Variants in LMF1 observed in about 807,000 individuals in gnomAD.
The protein encoded by LMF1 is transmembrane protein 112.
A neutral mutation model predicts 60.6 loss-of-function variants in LMF1; 68 were observed. The ratio of observed to expected loss-of-function variants is 1.12; its 90% CI spans 0.92 to 1.37. LMF1 has a LOEUF of 1.37. LMF1 is among the 40% of genes most tolerant of loss of function. The pLI is 0.00. For synonymous variants in LMF1, 418 were observed against 324.7 expected, an observed-to-expected ratio of 1.29 and a Z score of -3.09; for missense variants, 948 against 767.2, an observed-to-expected ratio of 1.24 and a Z score of -2.78.
chr16:975,501 C>T (rs182642821), upstream of LMF1, among the ~76,000 whole-genome samples: 262 of 152,318 alleles, frequency 1.7e-3, no homozygotes, highest in Non-Finnish European at 3.0e-3. Context: ...GCCTCAGAGC[C>T]CACCGTTGTG....
intron 3 of LMF1, among the ~76,000 whole-genome samples, chr16:916,593 C>A (rs117852769): frequency 1.3e-5 from 2 of 152,154 alleles, no homozygotes; most frequent in Non-Finnish European, 2.9e-5. Context: ...GCGCCAGTGG[C>A]GGGGCTGGGC....
chr16:913,285 G>A (rs1319002092), intron 3 of LMF1, among the ~76,000 whole-genome samples: 6 of 152,242 alleles, frequency 3.9e-5, no homozygotes, highest in South Asian at 2.1e-4. Context: ...AGCCTGACGC[G>A]TTCTGCCTGG....
intron 2 of LMF1, among the ~76,000 whole-genome samples, chr16:943,287 A>T (rs8062750): frequency 0.33 from 50,118 of 150,046 alleles, 10,351 homozygotes; most frequent in African/African-American, 0.58. Context: ...AGGAGAATGG[A>T]GTGAACCCAG....
upstream of LMF1, chr16:975,660 C>T (rs1032628082): frequency 7.8e-5 from 30 of 383,850 alleles, no homozygotes; most frequent in African/African-American, 1.0e-4. Flanking sequence ...AGAGGAAGCA[C>T]GCTCCCTGCT....
At chr16:880,271 G>A (rs1207947212) in intron 5 of LMF1, among the ~76,000 whole-genome samples, 1 of 152,162 alleles carries the variant, frequency 6.6e-6, no homozygotes. Flanking sequence ...CTGGCTGTGG[G>A]GACCTGGAAG....
chr16:891,349 G>C (rs1382351108), intron 5 of LMF1, among the ~76,000 whole-genome samples: 2 of 152,256 alleles, frequency 1.3e-5, no homozygotes, highest in African/African-American at 4.8e-5. Context: ...CAGGACGCCT[G>C]ATGCCGGCTT....
chr16:855,832 A>T (rs1240571047), intron 10 of LMF1: 1 of 455,832 alleles, frequency 2.2e-6, no homozygotes, highest in Non-Finnish European at 4.4e-6. Context: ...GCTTCTGGTG[A>T]CCTGCACACA....
intron 4 of LMF1, 74 bp downstream of exon 4, chr16:910,857 C>T (rs2071089824): frequency 4.4e-6 from 7 of 1,579,936 alleles, no homozygotes; most frequent in South Asian, 2.2e-5. Flanking sequence ...AACAGCCTCA[C>T]CTCTCCTAGA....
At chr16:972,326 A>T (rs3809671), upstream of LMF1, among the ~76,000 whole-genome samples, 1 of 152,228 alleles carries the variant, frequency 6.6e-6, no homozygotes, top group South Asian at 2.1e-4. Context: ...GTACGAACAC[A>T]CAAACATCCT....
intron 2 of LMF1, among the ~76,000 whole-genome samples, chr16:948,090 T>A (rs1297047852): frequency 3.9e-5 from 4 of 102,744 alleles, no homozygotes; most frequent in African/African-American, 1.2e-4. Flanking sequence ...AACGAGAGAG[T>A]CAGCCAACGA....
upstream of LMF1, among the ~76,000 whole-genome samples, chr16:975,333 T>C (rs757775250): frequency 5.8e-4 from 89 of 152,164 alleles, no homozygotes; most frequent in Non-Finnish European, 3.2e-4. Flanking sequence ...TTTTTTTTTT[T>C]TCTCTAGGAA....
chr16:861,197 T>C (rs999218424), intron 10 of LMF1, among the ~76,000 whole-genome samples: 1 of 152,214 alleles, frequency 6.6e-6, no homozygotes, highest in African/African-American at 2.4e-5. Context: ...GTCAGGTTTA[T>C]ACCTAAGTAT....
intron 1 of LMF1, among the ~76,000 whole-genome samples, chr16:978,385 GGTCGCCATCCC>G (rs2073239000): frequency 2.0e-5 from 3 of 151,698 alleles, no homozygotes; most frequent in Non-Finnish European, 1.5e-5. Flanking sequence ...GCGCCTCCGG[GGTCGCCATCCC>G]TAGGAGCCAC....
Position 910,887 on chromosome 16 carries a change from GCCA to G in LMF1, c.663+41_663+43del, listed in dbSNP as rs768603016. ...CCTAGAAGCCTCACAGGTTAGAAGA[GCCA>G]CCGTTATTCCCCAAACACCACGCAG... On this transcript the variant is annotated intron_variant, in intron 4 of 10. Transcript: ENST00000262301. 18 of 1,608,444 alleles carry G rather than the reference GCCA, an allele frequency of 1.1e-5. No homozygotes were observed. In the South Asian group the frequency reaches 2.0e-4, roughly 18 times the overall value.
At chr16:979,501 A>G (rs2073277035) in intron 1 of LMF1, 2 of 376,868 alleles carry the variant, frequency 5.3e-6, no homozygotes, top group Non-Finnish European at 5.3e-6. Context: ...AGCCTGAGGC[A>G]GGGTCTCAGT....
intron 3 of LMF1, among the ~76,000 whole-genome samples, chr16:924,132 C>A (rs895365802): frequency 2.6e-5 from 4 of 152,178 alleles, no homozygotes; most frequent in African/African-American, 9.7e-5. Flanking sequence ...ATACTTGTGA[C>A]ACAGCTATAC....
chr16:890,323 G>A (rs376968015), intron 5 of LMF1, among the ~76,000 whole-genome samples: 97 of 152,320 alleles, frequency 6.4e-4, no homozygotes, highest in African/African-American at 1.9e-3. Flanking sequence ...CCTGGGCCCC[G>A]TCCCAACTCA....
At chr16:957,564 C>T (rs541056691) in intron 1 of LMF1, among the ~76,000 whole-genome samples, 4 of 152,256 alleles carry the variant, frequency 2.6e-5, no homozygotes, top group South Asian at 4.1e-4. Context: ...TCAGTGCTTC[C>T]GCCGAGGCTG....
rs371414388 is a variant in LMF1, at chr16:949,900, C to T, written c.503+4457G>A. Among the ~76,000 whole-genome samples, 470 of 67,996 alleles carry T rather than the reference C, an allele frequency of 6.9e-3. 7 individuals carry two copies. The highest frequency in any genetic ancestry group is 0.011 in the African/African-American group (104 of 9,840). The allele number at this position is 67,996 out of a possible 152,430, so 44.6% of individuals were successfully genotyped here. A position where few individuals can be genotyped will look rare whatever the true frequency, so the allele number is the denominator to read the frequency against. On this transcript the variant is annotated intron_variant, in intron 2 of 10. Coordinates refer to ENST00000262301, the MANE Select transcript of LMF1 (RefSeq NM_022773.4). Reference sequence around the variant, plus strand: ...CAGCCAACGACAGAATCAGAGACAACGACAGAGTCAGCCAACGACAGAGTC... The same window carrying T: ...CAGCCAACGACAGAATCAGAGACAATGACAGAGTCAGCCAACGACAGAGTC...
Sources: allele counts gnomAD v4.1 joint callset (sites outside exome capture counted in the v4.1 genomes callset), GRCh38; gene constraint gnomAD v4.1.1; transcripts MANE v1.5; gene names NCBI Gene and HGNC (gene_info 2026-07-23, HGNC 2026-07-21).